The following MPRIP variants were observed in gnomAD, a reference collection of about 807,000 sequenced individuals.
The protein encoded by MPRIP is myosin phosphatase Rho interacting protein.
A neutral mutation model predicts 234.9 loss-of-function variants in MPRIP; 59 were observed. The observed-to-expected ratio is 0.25, with a 90% CI of 0.20 to 0.31. MPRIP has a LOEUF of 0.31. MPRIP is among the 10% of genes least tolerant of loss of function. MPRIP has a pLI of 1.00. For synonymous variants in MPRIP, 1,144 were observed against 1,263.9 expected (o/e 0.91, Z 2.01); for missense variants, 2,436 against 3,071.0 (o/e 0.79, Z 4.89).
intron 3 of MPRIP, among the ~76,000 whole-genome samples, chr17:17,096,290 TGTGTGTGTGTGTGTG>T (rs1567711867): frequency 0.084 from 118 of 1,404 alleles, 2 homozygotes; most frequent in African/African-American, 0.19. Flanking sequence ...GTGTGCAGGG[TGTGTGTGTGTGTGTG>T]TGTGTGTGTG....
chr17:17,091,425 C>T (rs2089714592), intron 3 of MPRIP, among the ~76,000 whole-genome samples: 1 of 152,134 alleles, frequency 6.6e-6, no homozygotes, highest in Non-Finnish European at 1.5e-5. Context: ...CGTGCAGCAT[C>T]CCTCCCTGCC....
intron 3 of MPRIP, among the ~76,000 whole-genome samples, chr17:17,086,899 CT>C (rs970140498): frequency 6.6e-6 from 1 of 152,190 alleles, no homozygotes; most frequent in African/African-American, 2.4e-5. Context: ...TTTAAGCCCC[CT>C]CCCTTCCTTT....
At chr17:17,061,115 T>TC (rs1420666373) in intron 1 of MPRIP, among the ~76,000 whole-genome samples, 1 of 152,116 alleles carries the variant, frequency 6.6e-6, no homozygotes, top group Non-Finnish European at 1.5e-5. Flanking sequence ...GAAGCTTCCC[T>TC]CCCCAAGTGC....
chr17:17,056,560 G>A (rs1161404222), intron 1 of MPRIP, among the ~76,000 whole-genome samples: 2 of 152,136 alleles, frequency 1.3e-5, no homozygotes, highest in Non-Finnish European at 2.9e-5. Flanking sequence ...TGTGGGCCCT[G>A]CTGTCCCCGT....
intron 3 of MPRIP, among the ~76,000 whole-genome samples, chr17:17,102,337 T>A (rs2089979087): frequency 6.6e-6 from 1 of 152,210 alleles, no homozygotes. Context: ...CCTTGTACTC[T>A]ATGTTGTGCC....
chr17:17,105,446 C>T (rs929978299), intron 3 of MPRIP, among the ~76,000 whole-genome samples: 5 of 152,318 alleles, frequency 3.3e-5, no homozygotes, highest in East Asian at 1.9e-4. Flanking sequence ...TCCATTCCCC[C>T]GTGCTCCTCT....
chr17:17,176,776 A>C (rs921949354), intron 21 of MPRIP, among the ~76,000 whole-genome samples: 1 of 152,228 alleles, frequency 6.6e-6, no homozygotes, highest in African/African-American at 2.4e-5. Flanking sequence ...AATGTTCCAG[A>C]GAAAAGGCCT....
Position 17,167,939 on chromosome 17 carries a change from C to T in MPRIP, c.6324+24C>T, listed in dbSNP as rs773914764. 7 of 1,287,010 alleles carry T rather than the reference C, an allele frequency of 5.4e-6. No homozygotes were observed. In the South Asian group the frequency reaches 8.8e-5, roughly 16 times the overall value. 79.7% of individuals were successfully genotyped at this position (1,287,010 alleles called of 1,614,324 possible). A position where few individuals can be genotyped will look rare whatever the true frequency, so the allele number is the denominator to read the frequency against. ...AGGTCTTAACGCCCCATTCAATTTG[C>T]AGAGCAGATCTTCCTTGATAATGGG... On this transcript the variant is annotated intron_variant, in intron 16 of 23. Coordinates refer to ENST00000651222, the MANE Select transcript of MPRIP (RefSeq NM_001364716.4). This position sits in a 1 kb window ranked among gnomAD's most constrained non-coding sequence, Gnocchi z 5.9.
At chr17:17,079,336 A>C (rs767404739) in intron 3 of MPRIP, among the ~76,000 whole-genome samples, 1 of 152,176 alleles carries the variant, frequency 6.6e-6, no homozygotes, top group Non-Finnish European at 1.5e-5. Context: ...GGTTTTTGCT[A>C]TGGGAACGTC....
At chr17:17,157,355 G>A (rs143132099) in intron 13 of MPRIP, among the ~76,000 whole-genome samples, 11 of 152,336 alleles carry the variant, frequency 7.2e-5, no homozygotes, top group African/African-American at 1.2e-4. Context: ...GCTGGCTGCC[G>A]CTTGCCTGCT....
At chr17:17,094,396 C>T (rs1436009832) in intron 3 of MPRIP, among the ~76,000 whole-genome samples, 1 of 152,192 alleles carries the variant, frequency 6.6e-6, no homozygotes. Flanking sequence ...TGCAAATAAA[C>T]TGAATTTTCC....
chr17:17,146,984 G>GTTGT (rs1380208205), intron 10 of MPRIP, among the ~76,000 whole-genome samples: 2 of 152,240 alleles, frequency 1.3e-5, no homozygotes, highest in African/African-American at 4.8e-5. Context: ...GGCCCAGCCT[G>GTTGT]TTGTCTGCAG....
chr17:17,188,967 G>A lies in MPRIP; in HGVS notation c.*4073G>A, dbSNP rs2046531174. On this transcript the variant is annotated 3_prime_UTR_variant, in exon 24 of 24. Coordinates refer to ENST00000651222, the MANE Select transcript of MPRIP (RefSeq NM_001364716.4). Reference sequence around the variant, plus strand: ...CTGGCCCCTGCTCCTTTGTATGTTGGGTGACTTTAATGGCTGGCCACATAC... The same window carrying A: ...CTGGCCCCTGCTCCTTTGTATGTTGAGTGACTTTAATGGCTGGCCACATAC... The A allele has an allele frequency of 6.6e-6, 1 of 152,202 alleles. No homozygotes were observed. Among genetic ancestry groups the A allele is most frequent in the Non-Finnish European group, 1.5e-5 (1 of 68,062 alleles). 9.4% of individuals were successfully genotyped at this position (152,202 alleles called of 1,614,324 possible).
intron 3 of MPRIP, among the ~76,000 whole-genome samples, chr17:17,121,681 TC>T (rs901593750): frequency 1.4e-4 from 21 of 152,226 alleles, no homozygotes; most frequent in African/African-American, 5.1e-4. Flanking sequence ...TTTTTTAAGT[TC>T]AGGGGTGCAA....
Position 17,185,094 on chromosome 17 carries a change from T to G in MPRIP, c.*200T>G. On this transcript the variant is annotated 3_prime_UTR_variant, in exon 24 of 24. Transcript: ENST00000651222. ...TCTGCTGTGTTGACTTCCTGTTGTC[T>G]TCATCAAAGCTTTTTTCCGTGGTAT... 1 of 456,178 alleles carries G rather than the reference T, an allele frequency of 2.2e-6. No homozygotes were observed. Among genetic ancestry groups the G allele is most frequent in the Non-Finnish European group, 4.1e-6 (1 of 244,042 alleles). 28.3% of individuals were successfully genotyped at this position (456,178 alleles called of 1,614,324 possible). A position where few individuals can be genotyped will look rare whatever the true frequency, so the allele number is the denominator to read the frequency against.
At chr17:17,099,420 A>G (rs1408727492) in intron 3 of MPRIP, among the ~76,000 whole-genome samples, 1 of 152,242 alleles carries the variant, frequency 6.6e-6, no homozygotes, top group Non-Finnish European at 1.5e-5. Flanking sequence ...TTTTCCTACT[A>G]AGAGTCCTTA....
chr17:17,167,763 G>A lies in MPRIP; in HGVS notation c.6172G>A (p.Gly2058Arg), dbSNP rs1387386490. The A allele has an allele frequency of 1.5e-6, 2 of 1,304,274 alleles. No individual in the cohort carries two copies. The highest frequency in any genetic ancestry group is 1.2e-5 in the South Asian group (1 of 81,020). The allele number at this position is 1,304,274 out of a possible 1,614,324, so 80.8% of individuals were successfully genotyped here. A position where few individuals can be genotyped will look rare whatever the true frequency, so the allele number is the denominator to read the frequency against. The change falls in exon 16 of 24, where the codon GGA becomes AGA. Residue 2058 changes from glycine (G) to arginine (R), a missense_variant. Physicochemically the swap from Gly to Arg is moderately radical, Grantham distance 125 (BLOSUM62 -2). Coordinates refer to ENST00000651222, the MANE Select transcript of MPRIP (RefSeq NM_001364716.4). The surrounding 1 kb of genome is among the most constrained non-coding windows in gnomAD (Gnocchi z 5.9). ...TGCCCCCAACTGGCAGGCCACCCAG[G>A]GAGAGGCTGACTCCATGACGGGGCT... ...APAPNWQATQ[G>R]EADSMTGLRE...
intron 11 of MPRIP, among the ~76,000 whole-genome samples, chr17:17,149,074 G>A (rs2045539852): frequency 1.3e-5 from 2 of 152,138 alleles, no homozygotes; most frequent in African/African-American, 4.8e-5. Flanking sequence ...AGCATGCCTG[G>A]GTTTTAATGT....
At chr17:17,053,108 G>A (rs1194092358) in intron 1 of MPRIP, among the ~76,000 whole-genome samples, 1 of 151,986 alleles carries the variant, frequency 6.6e-6, no homozygotes, top group Non-Finnish European at 1.5e-5. Context: ...TCAGGGCCGC[G>A]GGAGGGGTGG....
Sources: allele counts gnomAD v4.1 joint callset (sites outside exome capture counted in the v4.1 genomes callset), GRCh38; gene constraint gnomAD v4.1.1; non-coding constraint Gnocchi (gnomAD v3.1); transcripts MANE v1.5; gene names NCBI Gene and HGNC (gene_info 2026-07-23, HGNC 2026-07-21).